Variants in THRAP3 observed in about 807,000 individuals in gnomAD.
The protein encoded by THRAP3 is thyroid hormone receptor-associated protein 3.
THRAP3 carries 16 observed loss-of-function variants against 101.0 expected under a neutral mutation model. That is an observed-to-expected ratio of 0.16 (90% CI 0.11 to 0.24). The LOEUF is 0.24. Among genes scored for constraint, THRAP3 ranks in the 10% least tolerant of loss-of-function variants. The probability of loss-of-function intolerance (pLI) is 1.00; values close to 1 mark genes in which losing one functional copy is unlikely to be tolerated. For synonymous variants in THRAP3, 407 were observed against 422.6 expected, an observed-to-expected ratio of 0.96 and a Z score of 0.45; for missense variants, 989 against 1,202.7, an observed-to-expected ratio of 0.82 and a Z score of 2.63.
chr1:36,243,398 T>C (rs1645187679), intron 1 of THRAP3, among the ~76,000 whole-genome samples: 1 of 151,762 alleles, frequency 6.6e-6, no homozygotes, highest in Non-Finnish European at 1.5e-5. Flanking sequence ...TGGTGATGAC[T>C]CTTAAGGAGC....
chr1:36,242,410 C>T (rs1181758800), intron 1 of THRAP3, among the ~76,000 whole-genome samples: 2 of 151,000 alleles, frequency 1.3e-5, no homozygotes, highest in Non-Finnish European at 2.9e-5. Context: ...AGCTTAGTCT[C>T]TCAAAGTGCT....
In THRAP3 at chr1:36,290,502, G is replaced by C. The variant is rs58598289; in HGVS notation, c.1745+738G>C. On this transcript the variant is annotated intron_variant, in intron 5 of 11. Transcript: ENST00000354618. ...CGCACCCAGCCCAGAATCTCTCTCT[G>C]TCACCCAGGCTGGCGTGCAGTGGTG... is the stretch of plus-strand genomic sequence containing the variant. Among the ~76,000 whole-genome samples the C allele has an allele frequency of 6.7e-3, 1,016 of 151,974 alleles. 13 individuals carry two copies. The highest frequency in any genetic ancestry group is 0.024 in the African/African-American group (979 of 41,432).
At position 36,280,927 on chromosome 1, in the gene THRAP3, A is replaced by AT. The variant is rs745845957; in HGVS notation, c.-31-1603dup. Among the ~76,000 whole-genome samples the AT allele has an allele frequency of 7.8e-3, 1,139 of 145,306 alleles. 18 individuals carry two copies. The highest frequency in any genetic ancestry group is 0.021 in the Middle Eastern group (6 of 280). The stretch of plus-strand genomic sequence containing the variant: ...GAAAGAAAGTTGACTCTTTATTTTT[A>AT]TTTATTTTTTTTTTTGAGACGGAGT... On this transcript the variant is annotated intron_variant, in intron 2 of 11. Transcript: ENST00000354618.
intron 1 of THRAP3, among the ~76,000 whole-genome samples, chr1:36,229,412 G>T (rs373208011): frequency 0.015 from 1,212 of 80,304 alleles, 7 homozygotes; most frequent in Middle Eastern, 0.04. Context: ...TTTTTTTTTT[G>T]TTTTTTTTTT....
intron 1 of THRAP3, among the ~76,000 whole-genome samples, chr1:36,235,709 A>AG (rs950489881): frequency 2.6e-5 from 4 of 152,318 alleles, no homozygotes; most frequent in African/African-American, 9.6e-5. Flanking sequence ...ATGTACTTCA[A>AG]GGAACACACC....
chr1:36,299,134 G>C (rs1194353998), intron 9 of THRAP3, among the ~76,000 whole-genome samples: 1 of 151,532 alleles, frequency 6.6e-6, no homozygotes, highest in Admixed American at 6.6e-5. Context: ...TTACCCAGGT[G>C]ACACAGCTAA....
rs764526869 is a variant in THRAP3 at position 36,292,993 on chromosome 1, C to T, written c.2030+284C>T. 1.2e-3 allele frequency among the ~76,000 whole-genome samples: 168 copies of T among 143,116 alleles called. 1 individual carries two copies. Among genetic ancestry groups the T allele is most frequent in the Non-Finnish European group, 2.1e-3 (136 of 65,606 alleles). The allele number at this position is 143,116 out of a possible 152,430, so 93.9% of individuals were successfully genotyped here. ...TGTTGCCTGAAATTACTGTGAGTTT[C>T]TGTAGGTAGAGTAAATGCTAGTTTC... On this transcript the variant is annotated intron_variant, in intron 7 of 11. Coordinates refer to ENST00000354618, the MANE Select transcript of THRAP3 (RefSeq NM_005119.4).
At chr1:36,302,819 A>G (rs1403188728) in intron 11 of THRAP3, among the ~76,000 whole-genome samples, 2 of 152,218 alleles carry the variant, frequency 1.3e-5, no homozygotes, top group African/African-American at 4.8e-5. Context: ...ATTGTTTGAA[A>G]TGTAGGTTAA....
intron 1 of THRAP3, among the ~76,000 whole-genome samples, chr1:36,257,381 G>A (rs955469493): frequency 6.6e-6 from 1 of 152,218 alleles, no homozygotes; most frequent in African/African-American, 2.4e-5. Flanking sequence ...TGCCTGGCAT[G>A]TAGTCAGTAC....
the THRAP3 span, among the ~76,000 whole-genome samples, chr1:36,211,759 A>G: frequency 1.6e-4 from 25 of 152,292 alleles, no homozygotes; most frequent in Non-Finnish European, 3.4e-4. Context: ...GCTTCTGGAA[A>G]GCAGAGATGG....
At chr1:36,291,588 C>G in intron 6 of THRAP3, 42 bp downstream of exon 6, 1 of 1,596,734 alleles carries the variant, frequency 6.3e-7, no homozygotes, top group African/African-American at 1.3e-5. Flanking sequence ...GTGTTCCACA[C>G]TTAGAAGAAG....
chr1:36,216,456 A>G, the THRAP3 span, among the ~76,000 whole-genome samples: 1 of 145,582 alleles, frequency 6.9e-6, no homozygotes, highest in Non-Finnish European at 1.5e-5. Flanking sequence ...GAGATCGCGC[A>G]CTGCACTCCA....
At chr1:36,290,165 T>C (rs763832247) in intron 5 of THRAP3, among the ~76,000 whole-genome samples, 32 of 152,254 alleles carry the variant, frequency 2.1e-4, no homozygotes, top group Middle Eastern at 6.8e-3. Context: ...TTTATTGTAT[T>C]GTATTGTATT....
rs548879734 is a variant in THRAP3, at chr1:36,264,297, G to A, written c.-32+4813G>A. The stretch of plus-strand genomic sequence containing the variant: ...GTTCTGTGGCTAAACATAGTTTAAG[G>A]TGTTTACTCACTTGTGTGTCAGGCA... On this transcript the variant is annotated intron_variant, in intron 2 of 11. Transcript: ENST00000354618. 1.2e-4 allele frequency among the ~76,000 whole-genome samples: 18 copies of A among 152,290 alleles called. No homozygotes were observed. The South Asian group carries it at 2.9e-3, about 25-fold the overall frequency.
chr1:36,230,131 T>C (rs936561888), intron 1 of THRAP3, among the ~76,000 whole-genome samples: 1 of 149,698 alleles, frequency 6.7e-6, no homozygotes, highest in Non-Finnish European at 1.5e-5. Context: ...ATTTTTTTTC[T>C]TTTTTTTTAG....
chr1:36,218,230 G>C, the THRAP3 span, among the ~76,000 whole-genome samples: 1 of 151,660 alleles, frequency 6.6e-6, no homozygotes, highest in Non-Finnish European at 1.5e-5. Flanking sequence ...TTAGCCAGGC[G>C]TGGTGGCAGG....
rs147606694 is a variant in THRAP3 at position 36,256,952 on chromosome 1, C to T, written c.-134-2430C>T. On this transcript the variant is annotated intron_variant, in intron 1 of 11. Coordinates refer to ENST00000354618, the MANE Select transcript of THRAP3 (RefSeq NM_005119.4). ...CTGGGATTACAGGCACCAGCCACCT[C>T]GCCAGGCTAATTTTTTGTGTTTTTA... Among the ~76,000 whole-genome samples the T allele has an allele frequency of 6.3e-3, 964 of 152,188 alleles. 11 individuals are homozygous for T. The highest frequency in any genetic ancestry group is 0.022 in the African/African-American group (913 of 41,502).
chr1:36,211,066 A>C, the THRAP3 span, among the ~76,000 whole-genome samples: 2 of 150,664 alleles, frequency 1.3e-5, no homozygotes, highest in African/African-American at 4.9e-5. Flanking sequence ...AAAATTAAAA[A>C]CCCGGGCATA....
chr1:36,260,821 CAAAAAA>C (rs34066117), intron 2 of THRAP3, among the ~76,000 whole-genome samples: 2 of 70,196 alleles, frequency 2.8e-5, no homozygotes, highest in African/African-American at 1.1e-4. Context: ...GACTACGTCT[CAAAAAA>C]AAAAAAAAAA....
Sources: allele counts gnomAD v4.1 joint callset (sites outside exome capture counted in the v4.1 genomes callset), GRCh38; gene constraint gnomAD v4.1.1; transcripts MANE v1.5; gene names NCBI Gene and HGNC (gene_info 2026-07-23, HGNC 2026-07-21).